TRDN: variants seen among roughly 807,000 people sequenced by gnomAD.
TRDN encodes the protein triadin in skeletal muscle.
Under a neutral mutation model 149.7 loss-of-function variants are expected in TRDN, and 161 were observed. The ratio of observed to expected loss-of-function variants is 1.08; its 90% CI spans 0.95 to 1.23. TRDN has a LOEUF of 1.23. Among genes scored for constraint, TRDN ranks in the 50% most tolerant of loss-of-function variants. The probability of loss-of-function intolerance (pLI) is 0.00; values close to 1 mark genes in which losing one functional copy is unlikely to be tolerated. For synonymous variants in TRDN, 294 were observed against 250.5 expected, an observed-to-expected ratio of 1.17 and a Z score of -1.64; for missense variants, 896 against 823.5, an observed-to-expected ratio of 1.09 and a Z score of -1.08.
intron 10 of TRDN, chr6:123,457,578 G>A (rs1421562734): frequency 2.3e-6 from 1 of 426,148 alleles, no homozygotes; most frequent in Admixed American, 2.6e-5. Flanking sequence ...TTTTTCTTTT[G>A]ATGCTTTGTC....
chr6:123,500,389 G>A (rs567129423), intron 8 of TRDN, among the ~76,000 whole-genome samples: 5 of 152,176 alleles, frequency 3.3e-5, no homozygotes, highest in East Asian at 3.9e-4. Flanking sequence ...GAAGTCTCCA[G>A]TTTATCTGCT....
intron 1 of TRDN, among the ~76,000 whole-genome samples, chr6:123,602,857 A>T (rs1402166483): frequency 2.0e-5 from 3 of 152,110 alleles, no homozygotes; most frequent in African/African-American, 7.2e-5. Flanking sequence ...GCAACAAAGT[A>T]AAAACAACTT....
At chr6:123,512,406 T>G (rs1371297391) in intron 6 of TRDN, 44 bp from the exon 7 acceptor site, 1 of 1,193,298 alleles carries the variant, frequency 8.4e-7, no homozygotes, top group African/African-American at 1.5e-5. Flanking sequence ...TTAATAGATT[T>G]CAAAACCAAG....
At chr6:123,338,321 G>C (rs568206069) in intron 21 of TRDN, among the ~76,000 whole-genome samples, 1 of 152,290 alleles carries the variant, frequency 6.6e-6, no homozygotes, top group South Asian at 2.1e-4. Context: ...GGACAGGGCA[G>C]ATCTATCAGT....
intron 1 of TRDN, among the ~76,000 whole-genome samples, chr6:123,607,172 T>A (rs1158603178): frequency 6.6e-6 from 1 of 152,226 alleles, no homozygotes; most frequent in Non-Finnish European, 1.5e-5. Context: ...TTGATTCATT[T>A]TCATAAATTA....
At chr6:123,402,309 G>A (rs1169552027) in intron 12 of TRDN, among the ~76,000 whole-genome samples, 12 of 152,094 alleles carry the variant, frequency 7.9e-5, no homozygotes, top group African/African-American at 2.2e-4. Flanking sequence ...ATCAGACCAC[G>A]TCCAAATAAG....
chr6:123,609,476 A>T (rs534200542), intron 1 of TRDN, among the ~76,000 whole-genome samples: 4 of 152,208 alleles, frequency 2.6e-5, no homozygotes, highest in African/African-American at 9.6e-5. Flanking sequence ...TACTTTTATA[A>T]CTCAAGCATA....
chr6:123,585,061 G>A (rs1257568444), intron 1 of TRDN, among the ~76,000 whole-genome samples: 2 of 151,684 alleles, frequency 1.3e-5, no homozygotes, highest in Non-Finnish European at 2.9e-5. Flanking sequence ...GAGTAAGGGT[G>A]ATTAGGTTTT....
rs371551868 is a variant in TRDN at position 123,495,433 on chromosome 6, C to T, written c.853+1760G>A. On this transcript the variant is annotated intron_variant, in intron 9 of 40. Transcript: ENST00000334268. ...ACTCAGGAGGCTGAGGCAGGAGAATCGCTTGAACCCAGGAGGCAGAGGTTG... is the reference window on the plus strand; with the variant it reads ...ACTCAGGAGGCTGAGGCAGGAGAATTGCTTGAACCCAGGAGGCAGAGGTTG... Among the ~76,000 whole-genome samples, 37 of 151,956 alleles carry T rather than the reference C, an allele frequency of 2.4e-4. No individual in the cohort carries two copies. In the East Asian group the frequency reaches 6.4e-3, roughly 26 times the overall value.
intron 8 of TRDN, among the ~76,000 whole-genome samples, chr6:123,499,242 T>C (rs9490791): frequency 0.83 from 125,592 of 152,066 alleles, 52,119 homozygotes; most frequent in East Asian, 0.88. Context: ...ATCTGCCCCA[T>C]GTTGTGATGG....
At chr6:123,237,261 T>A (rs1775821061) in intron 38 of TRDN, among the ~76,000 whole-genome samples, 1 of 152,168 alleles carries the variant, frequency 6.6e-6, no homozygotes, top group African/African-American at 2.4e-5. Context: ...CTACTTTGTT[T>A]TTTTTTGAGA....
intron 16 of TRDN, among the ~76,000 whole-genome samples, chr6:123,378,837 A>G (rs2114407057): frequency 6.6e-6 from 1 of 152,284 alleles, no homozygotes; most frequent in African/African-American, 2.4e-5. Flanking sequence ...TCCTCTTTAT[A>G]TAGCGTTTCT....
At chr6:123,627,618 G>A (rs1482362381) in intron 1 of TRDN, among the ~76,000 whole-genome samples, 1 of 152,182 alleles carries the variant, frequency 6.6e-6, no homozygotes, top group Non-Finnish European at 1.5e-5. Flanking sequence ...CCTAACAAGA[G>A]TCAGCCTAAA....
rs1283469244 is a variant in TRDN, at chr6:123,224,074, C to A, written c.2014+19G>T. Reference sequence around the variant, plus strand: ...CTTTGAGAGAAAACTTGTAAATGATCCAAAGACAGCAAACTCACCTTTAGC... The same window carrying A: ...CTTTGAGAGAAAACTTGTAAATGATACAAAGACAGCAAACTCACCTTTAGC... On this transcript the variant is annotated intron_variant, in intron 39 of 40. Transcript: ENST00000334268. 2 of 1,606,744 alleles carry A rather than the reference C, an allele frequency of 1.2e-6. No individual in the cohort carries two copies. The highest frequency in any genetic ancestry group is 4.5e-5 in the East Asian group (2 of 44,712).
At chr6:123,499,815 C>A (rs540095803) in intron 8 of TRDN, among the ~76,000 whole-genome samples, 36 of 142,082 alleles carry the variant, frequency 2.5e-4, no homozygotes, top group African/African-American at 9.4e-4. Context: ...ATTTACTAAA[C>A]AATACAGTAT....
chr6:123,289,015 G>A (rs1298324684), intron 24 of TRDN, among the ~76,000 whole-genome samples: 2 of 102,466 alleles, frequency 2.0e-5, no homozygotes, highest in Non-Finnish European at 4.3e-5. Flanking sequence ...AAAATGTGGG[G>A]GGTGTGTGTG....
At chr6:123,238,919 C>A (rs1260741104) in intron 38 of TRDN, among the ~76,000 whole-genome samples, 1 of 152,160 alleles carries the variant, frequency 6.6e-6, no homozygotes, top group African/African-American at 2.4e-5. Context: ...CTGCTCACTG[C>A]AAACTCCACC....
At chr6:123,367,231 G>A (rs767671741) in intron 19 of TRDN, among the ~76,000 whole-genome samples, 104 of 152,124 alleles carry the variant, frequency 6.8e-4, no homozygotes, top group Non-Finnish European at 1.2e-3. Flanking sequence ...TAATAAGCTC[G>A]TGAATTTTCA....
At chr6:123,525,469 T>C (rs1349400606) in intron 5 of TRDN, among the ~76,000 whole-genome samples, 2 of 152,036 alleles carry the variant, frequency 1.3e-5, no homozygotes, top group Non-Finnish European at 2.9e-5. Context: ...AATCAAATAT[T>C]GCATGTTCTC....
Sources: allele counts gnomAD v4.1 joint callset (sites outside exome capture counted in the v4.1 genomes callset), GRCh38; gene constraint gnomAD v4.1.1; transcripts MANE v1.5; gene names NCBI Gene and HGNC (gene_info 2026-07-23, HGNC 2026-07-21).